SMIM14: variants seen among roughly 807,000 people sequenced by gnomAD.
SMIM14 encodes the protein small integral membrane protein 14.
SMIM14 carries 5 observed loss-of-function variants against 12.6 expected under a neutral mutation model. The observed-to-expected ratio is 0.40, with a 90% CI of 0.21 to 0.83. The LOEUF (loss-of-function observed/expected upper bound fraction) is 0.83, where lower values mean the gene tolerates loss of function less well. SMIM14 is among the 40% of genes least tolerant of loss of function. The pLI is 0.37. For missense variants in SMIM14, 86 were observed against 119.1 expected, an observed-to-expected ratio of 0.72 and a Z score of 1.29; for synonymous variants, 30 against 40.1, an observed-to-expected ratio of 0.75 and a Z score of 0.95.
intron 2 of SMIM14, among the ~76,000 whole-genome samples, chr4:39,604,467 G>A (rs917725749): frequency 2.0e-5 from 3 of 152,052 alleles, no homozygotes; most frequent in African/African-American, 7.2e-5. Flanking sequence ...AACTCAGGAG[G>A]TGGAGGCTGT....
At chr4:39,591,306 G>A (rs186361387) in intron 2 of SMIM14, among the ~76,000 whole-genome samples, 18 of 152,064 alleles carry the variant, frequency 1.2e-4, no homozygotes, top group East Asian at 9.6e-4. Flanking sequence ...AAAAAAGTCC[G>A]TGATATGAGA....
intron 1 of SMIM14, among the ~76,000 whole-genome samples, chr4:39,622,214 G>T (rs1186217822): frequency 6.6e-5 from 10 of 151,364 alleles, no homozygotes; most frequent in Non-Finnish European, 8.8e-5. Flanking sequence ...CTCCCGAGTA[G>T]CTGGGACTAC....
At position 39,618,696 on chromosome 4, in the gene SMIM14, A is replaced by T. The variant is rs1472173728; in HGVS notation, c.-35-13516T>A. Among the ~76,000 whole-genome samples, 13 of 151,652 alleles carry T rather than the reference A, an allele frequency of 8.6e-5. No individual in the cohort carries two copies. In the East Asian group the frequency reaches 2.5e-3, roughly 29 times the overall value. Reference sequence around the variant, plus strand: ...AAAAAAACCAAAGCCCAGTGTAATGAAACTCACTCATTCTCATTCTCTTTT... The same window carrying T: ...AAAAAAACCAAAGCCCAGTGTAATGTAACTCACTCATTCTCATTCTCTTTT... On this transcript the variant is annotated intron_variant, in intron 1 of 4. Coordinates refer to ENST00000295958, the MANE Select transcript of SMIM14 (RefSeq NM_174921.3).
At chr4:39,631,529 G>C (rs1391557716) in intron 1 of SMIM14, among the ~76,000 whole-genome samples, 1 of 151,914 alleles carries the variant, frequency 6.6e-6, no homozygotes, top group African/African-American at 2.4e-5. Flanking sequence ...CATGGTGGCA[G>C]GTACCTGTAG....
intron 3 of SMIM14, among the ~76,000 whole-genome samples, chr4:39,566,882 G>A (rs529808133): frequency 2.6e-5 from 4 of 152,200 alleles, no homozygotes; most frequent in African/African-American, 7.2e-5. Context: ...CAGGAGAATC[G>A]CTTGAACCTG....
chr4:39,595,171 T>G (rs1714300859), intron 2 of SMIM14, among the ~76,000 whole-genome samples: 2 of 147,210 alleles, frequency 1.4e-5, no homozygotes, highest in African/African-American at 2.5e-5. Context: ...CCAACGATGA[T>G]AGACTGGATT....
At chr4:39,567,082 GCCGAGAT>G (rs1712610731) in intron 3 of SMIM14, among the ~76,000 whole-genome samples, 1 of 138,804 alleles carries the variant, frequency 7.2e-6, no homozygotes, top group Non-Finnish European at 1.5e-5. Flanking sequence ...GTTGTAGTAA[GCCGAGAT>G]TGCGCCATTG....
At chr4:39,571,365 C>T (rs1373974193) in intron 3 of SMIM14, among the ~76,000 whole-genome samples, 1 of 151,820 alleles carries the variant, frequency 6.6e-6, no homozygotes, top group Non-Finnish European at 1.5e-5. Flanking sequence ...ATCACTTGAT[C>T]CCAGGAGTTT....
At chr4:39,596,931 A>G (rs1394933809) in intron 2 of SMIM14, among the ~76,000 whole-genome samples, 1 of 152,032 alleles carries the variant, frequency 6.6e-6, no homozygotes, top group African/African-American at 2.4e-5. Flanking sequence ...ATGTGCCAAG[A>G]TGCCCCGCTA....
At chr4:39,603,368 C>T (rs1714686579) in intron 2 of SMIM14, among the ~76,000 whole-genome samples, 1 of 151,878 alleles carries the variant, frequency 6.6e-6, no homozygotes, top group Non-Finnish European at 1.5e-5. Context: ...ACCATCCTGG[C>T]TAACATGGTG....
At chr4:39,594,017 A>G (rs1714240922) in intron 2 of SMIM14, 2 of 152,274 alleles carry the variant, frequency 1.3e-5, no homozygotes, top group South Asian at 4.1e-4. Flanking sequence ...CCATCAAGCT[A>G]CCAATGACTT....
chr4:39,625,034 A>ATCTCTACT (rs1715638985), intron 1 of SMIM14, among the ~76,000 whole-genome samples: 1 of 149,302 alleles, frequency 6.7e-6, no homozygotes, highest in South Asian at 2.1e-4. Context: ...ATGAAACCCC[A>ATCTCTACT]TCTCTACTAA....
At position 39,588,398 on chromosome 4, in the gene SMIM14, C is replaced by T. The variant is rs536152481; in HGVS notation, c.76-15935G>A. 1.6e-4 allele frequency among the ~76,000 whole-genome samples: 24 copies of T among 152,126 alleles called. No individual in the cohort carries two copies. The South Asian group carries it at 4.4e-3, about 28-fold the overall frequency. ...CTCTATTCTAAATAAATAAATAAAA[C>T]GTAACTATACATCCTAAATACACAG... On this transcript the variant is annotated intron_variant, in intron 2 of 4. Coordinates refer to ENST00000295958, the MANE Select transcript of SMIM14 (RefSeq NM_174921.3).
At chr4:39,597,266 G>C (rs921744372) in intron 2 of SMIM14, among the ~76,000 whole-genome samples, 2 of 151,790 alleles carry the variant, frequency 1.3e-5, no homozygotes, top group African/African-American at 4.8e-5. Context: ...TGAAAACCCT[G>C]AGCCTATAAT....
chr4:39,628,720 CTTTTTTTT>C (rs541461723), intron 1 of SMIM14, among the ~76,000 whole-genome samples: 2 of 135,280 alleles, frequency 1.5e-5, no homozygotes, highest in South Asian at 4.9e-4. Context: ...AAATGTTTTT[CTTTTTTTT>C]TTTTTTTCTT....
At chr4:39,577,774 C>T (rs1713281139) in intron 2 of SMIM14, among the ~76,000 whole-genome samples, 1 of 152,094 alleles carries the variant, frequency 6.6e-6, no homozygotes, top group Non-Finnish European at 1.5e-5. Flanking sequence ...CACGTACTCA[C>T]AAACACAATC....
chr4:39,619,063 G>C (rs1715334666), intron 1 of SMIM14, among the ~76,000 whole-genome samples: 2 of 151,964 alleles, frequency 1.3e-5, no homozygotes, highest in Non-Finnish European at 2.9e-5. Flanking sequence ...AGTGATGATA[G>C]AGGGTAAGAC....
At chr4:39,566,494 G>A (rs1210235000) in intron 3 of SMIM14, among the ~76,000 whole-genome samples, 1 of 152,026 alleles carries the variant, frequency 6.6e-6, no homozygotes, top group Non-Finnish European at 1.5e-5. Context: ...TAAAAGTTAA[G>A]AGGTCTGGAG....
intron 2 of SMIM14, among the ~76,000 whole-genome samples, chr4:39,596,437 A>T (rs1714366923): frequency 1.3e-5 from 2 of 152,142 alleles, no homozygotes; most frequent in Non-Finnish European, 2.9e-5. Flanking sequence ...AGACCAACCA[A>T]GAAGAACATG....
Sources: gnomAD v4.1 joint callset for allele counts (sites outside exome capture counted in the v4.1 genomes callset) on GRCh38, gnomAD v4.1.1 for gene constraint, MANE v1.5 for transcripts, NCBI Gene and HGNC (gene_info 2026-07-23, HGNC 2026-07-21) for gene names.